The following PCDH15 variants were observed in gnomAD, a reference collection of about 807,000 sequenced individuals.
The protein encoded by PCDH15 is protocadherin related 15.
PCDH15 carries 129 observed loss-of-function variants against 178.5 expected under a neutral mutation model. The observed-to-expected ratio is 0.72, with a 90% confidence interval of 0.63 to 0.84. The LOEUF is 0.84. Ranked by LOEUF, PCDH15 falls within the 40% of genes least tolerant of loss-of-function variation. The probability of loss-of-function intolerance (pLI) is 0.00; values close to 1 mark genes in which losing one functional copy is unlikely to be tolerated. For missense variants in PCDH15, 2,230 were observed against 2,099.9 expected (o/e 1.06, Z -1.21); for synonymous variants, 800 against 732.0 (o/e 1.09, Z -1.50).
At chr10:54,719,165 T>G (rs1321929226) in intron 1 of PCDH15, among the ~76,000 whole-genome samples, 4 of 151,812 alleles carry the variant, frequency 2.6e-5, no homozygotes, top group Non-Finnish European at 5.9e-5. Flanking sequence ...TAGATATCAT[T>G]AAAAAACAAA....
At chr10:54,362,617 C>G (rs2134531697) in intron 5 of PCDH15, among the ~76,000 whole-genome samples, 1 of 152,112 alleles carries the variant, frequency 6.6e-6, no homozygotes, top group East Asian at 1.9e-4. Flanking sequence ...CTGTGAAGCA[C>G]TTGGGACCCT....
intron 1 of PCDH15, among the ~76,000 whole-genome samples, chr10:54,773,103 T>TG (rs1949286862): frequency 7.0e-6 from 1 of 141,874 alleles, no homozygotes; most frequent in African/African-American, 2.7e-5. Context: ...GTCCAAGGGG[T>TG]GGGGGGCAGG....
chr10:54,844,632 T>C (rs927688735), intron 3 of PCDH15, among the ~76,000 whole-genome samples: 8 of 151,962 alleles, frequency 5.3e-5, no homozygotes, highest in African/African-American at 1.9e-4. Context: ...TGCTTTTTTT[T>C]TGAATATTAA....
chr10:54,349,658 A>G (rs1020478427), intron 5 of PCDH15, among the ~76,000 whole-genome samples: 1 of 150,414 alleles, frequency 6.6e-6, no homozygotes, highest in Non-Finnish European at 1.5e-5. Context: ...GTCCTTTAAA[A>G]TAAACTCTAC....
chr10:53,893,238 T>C (rs1334658180), intron 26 of PCDH15, among the ~76,000 whole-genome samples: 1 of 152,156 alleles, frequency 6.6e-6, no homozygotes. Context: ...TGTAAAACTA[T>C]GATACATGGA....
intron 20 of PCDH15, among the ~76,000 whole-genome samples, chr10:54,006,627 G>C (rs2135095764): frequency 6.6e-6 from 1 of 152,238 alleles, no homozygotes; most frequent in Admixed American, 6.5e-5. Context: ...GCACGTAACT[G>C]CCTCTCAGGT....
chr10:54,694,025 T>C (rs1469472069), intron 1 of PCDH15, among the ~76,000 whole-genome samples: 1 of 152,148 alleles, frequency 6.6e-6, no homozygotes, highest in Admixed American at 6.6e-5. Flanking sequence ...AACTCTCTTG[T>C]TTGAAGTTGT....
At chr10:54,022,859 G>A in intron 19 of PCDH15, 33 bp downstream of exon 19, 3 of 1,608,620 alleles carry the variant, frequency 1.9e-6, no homozygotes, top group Non-Finnish European at 2.6e-6. Flanking sequence ...TCCTAATGTA[G>A]GATTCATGTA....
chr10:53,804,306 T>G lies in PCDH15; in HGVS notation c.*2273A>C, dbSNP rs1055487613. On this transcript the variant is annotated 3_prime_UTR_variant, in exon 38 of 38. Transcript: ENST00000644397. Reference sequence around the variant, plus strand: ...ATATTTTCTCATAAAAAATGTAGTTTAAAATACAGTGACATCTCATATGTC... The same window carrying G: ...ATATTTTCTCATAAAAAATGTAGTTGAAAATACAGTGACATCTCATATGTC... 10 of 151,956 alleles carry G rather than the reference T, an allele frequency of 6.6e-5. No homozygotes were observed. Among genetic ancestry groups the G allele is most frequent in the African/African-American group, 2.4e-4 (10 of 41,412 alleles). 9.4% of individuals were successfully genotyped at this position (151,956 alleles called of 1,614,324 possible).
At chr10:53,838,623 G>A (rs1200054675) in intron 29 of PCDH15, among the ~76,000 whole-genome samples, 3 of 152,000 alleles carry the variant, frequency 2.0e-5, no homozygotes, top group Admixed American at 1.3e-4. Flanking sequence ...CAAAACTAAT[G>A]TATGCAAAAA....
At chr10:54,502,928 A>G (rs1251891285) in intron 3 of PCDH15, among the ~76,000 whole-genome samples, 1 of 152,058 alleles carries the variant, frequency 6.6e-6, no homozygotes, top group East Asian at 1.9e-4. Context: ...GCTCACAATA[A>G]GTACATAATA....
intron 2 of PCDH15, among the ~76,000 whole-genome samples, chr10:55,031,003 AT>A (rs35337529): frequency 3.6e-4 from 54 of 151,460 alleles, no homozygotes; most frequent in Admixed American, 1.9e-3. Context: ...AGAAATGCAG[AT>A]TTTTTTTTCA....
chr10:54,340,070 C>G (rs1285149769), intron 6 of PCDH15, among the ~76,000 whole-genome samples: 1 of 152,070 alleles, frequency 6.6e-6, no homozygotes. Context: ...TTTAATGTAT[C>G]ATTAAATAAT....
intron 11 of PCDH15, among the ~76,000 whole-genome samples, chr10:54,195,201 G>T (rs2049481951): frequency 1.3e-5 from 2 of 152,198 alleles, no homozygotes; most frequent in Non-Finnish European, 2.9e-5. Context: ...TTTGTGGAGT[G>T]AAGCGTAAGC....
chr10:53,817,518 T>TC (rs2076106159), intron 34 of PCDH15, among the ~76,000 whole-genome samples: 2 of 146,652 alleles, frequency 1.4e-5, no homozygotes. Context: ...TTCTTTTTCT[T>TC]TTTTTTTTCT....
In PCDH15 at chr10:54,717,499, C is replaced by T. The variant is rs571414156; in HGVS notation, c.-28-53209G>A. On this transcript the variant is annotated intron_variant, in intron 1 of 37. Coordinates refer to ENST00000644397, the MANE Select transcript of PCDH15 (RefSeq NM_001384140.1). ...AGAAGATATTTATGCAGCCAAAAAA[C>T]GCATGAAAAAATGCTCACCATCACT... Among the ~76,000 whole-genome samples, 145 of 146,496 alleles carry T rather than the reference C, an allele frequency of 9.9e-4. 7 individuals are homozygous for T. Among genetic ancestry groups the T allele is most frequent in the South Asian group, 1.1e-3 (5 of 4,670 alleles).
In PCDH15 at chr10:53,945,102, C is replaced by T. The variant is rs138725390; in HGVS notation, c.3123-4127G>A. ...CCTCATTGTTACTATTTGCATTATC[C>T]TTACCTTCTAAATTTTACATGTAAA... On this transcript the variant is annotated intron_variant, in intron 23 of 37. Transcript: ENST00000644397. 6.7e-3 allele frequency among the ~76,000 whole-genome samples: 1,026 copies of T among 152,156 alleles called. 5 individuals are homozygous for T. Among genetic ancestry groups the T allele is most frequent in the Middle Eastern group, 0.027 (8 of 294 alleles).
At chr10:54,691,792 T>C (rs1374367988) in intron 1 of PCDH15, among the ~76,000 whole-genome samples, 1 of 152,146 alleles carries the variant, frequency 6.6e-6, no homozygotes, top group Non-Finnish European at 1.5e-5. Context: ...GGATATCCTA[T>C]GCTTCATGTA....
rs181418985 is a variant in PCDH15 at position 55,404,184 on chromosome 10, A to G, written c.-156+223441T>C. On this transcript the variant is annotated intron_variant, in intron 2 of 5. Coordinates refer to the PCDH15 transcript ENST00000613346. Reference sequence around the variant, plus strand: ...TCTAGGAAGAGCTATCCTAGTCCCAATTCTCTGGGAAGTGCAGAATCTAGA... The same window carrying G: ...TCTAGGAAGAGCTATCCTAGTCCCAGTTCTCTGGGAAGTGCAGAATCTAGA... Among the ~76,000 whole-genome samples, 59 of 152,144 alleles carry G rather than the reference A, an allele frequency of 3.9e-4. No individual in the cohort carries two copies. In the East Asian group the frequency reaches 0.01, roughly 27 times the overall value.
Sources: allele counts gnomAD v4.1 joint callset (sites outside exome capture counted in the v4.1 genomes callset), GRCh38; gene constraint gnomAD v4.1.1; transcripts MANE v1.5; gene names NCBI Gene and HGNC (gene_info 2026-07-23, HGNC 2026-07-21).